Variants in GABRR2 observed in about 807,000 individuals in gnomAD.
GABRR2 encodes gamma-aminobutyric acid type A receptor subunit rho2.
GABRR2 carries 36 observed loss-of-function variants against 47.0 expected under a neutral mutation model. The ratio of observed to expected loss-of-function variants is 0.77; its 90% CI spans 0.59 to 1.01. The LOEUF (loss-of-function observed/expected upper bound fraction) is 1.01, where lower values mean the gene tolerates loss of function less well. Ranked by LOEUF, GABRR2 falls within the 50% of genes least tolerant of loss-of-function variation. The pLI is 0.00. For missense variants in GABRR2, 587 were observed against 594.6 expected, an observed-to-expected ratio of 0.99 and a Z score of 0.13; for synonymous variants, 204 against 227.5, an observed-to-expected ratio of 0.90 and a Z score of 0.93.
intron 2 of GABRR2, among the ~76,000 whole-genome samples, chr6:89,286,164 C>A (rs944511393): frequency 6.6e-6 from 1 of 152,128 alleles, no homozygotes; most frequent in Non-Finnish European, 1.5e-5. Context: ...TTAAATTTGA[C>A]CTGTCTAAAT....
At chr6:89,260,631 A>G (rs1429443157) in intron 8 of GABRR2, among the ~76,000 whole-genome samples, 3 of 152,160 alleles carry the variant, frequency 2.0e-5, no homozygotes, top group Non-Finnish European at 4.4e-5. Context: ...AGTGGAAATC[A>G]CACTTCAGTG....
intron 5 of GABRR2, 50 bp downstream of exon 5, chr6:89,267,964 A>G (rs754459869): frequency 6.3e-7 from 1 of 1,591,618 alleles, no homozygotes; most frequent in Non-Finnish European, 8.6e-7. Context: ...AAAATGGCAC[A>G]AAGATCAGAG....
chr6:89,305,158 C>T (rs1015371158), intron 1 of GABRR2, among the ~76,000 whole-genome samples: 1 of 151,288 alleles, frequency 6.6e-6, no homozygotes, highest in Admixed American at 6.6e-5. Flanking sequence ...AATTCAAGAC[C>T]AGGCTGGCCA....
chr6:89,266,263 G>A (rs981893187), intron 6 of GABRR2, among the ~76,000 whole-genome samples: 1 of 152,048 alleles, frequency 6.6e-6, no homozygotes, highest in Non-Finnish European at 1.5e-5. Flanking sequence ...GTAGAGACAG[G>A]GGTTTCACCA....
intron 1 of GABRR2, among the ~76,000 whole-genome samples, chr6:89,307,396 T>C (rs911939413): frequency 1.3e-5 from 2 of 152,350 alleles, no homozygotes; most frequent in African/African-American, 4.8e-5. Context: ...ATTCTCAAAC[T>C]TAGCTACAGA....
intron 8 of GABRR2, among the ~76,000 whole-genome samples, chr6:89,260,928 G>A (rs1773730483): frequency 6.6e-6 from 1 of 152,208 alleles, no homozygotes; most frequent in Non-Finnish European, 1.5e-5. Context: ...CTGCTCTCCA[G>A]CAACTATGCT....
intron 2 of GABRR2, among the ~76,000 whole-genome samples, chr6:89,297,184 T>C (rs1411778565): frequency 2.6e-5 from 4 of 152,258 alleles, no homozygotes; most frequent in Admixed American, 1.3e-4. Context: ...TATTTTATGA[T>C]TGTGTTGGTT....
At chr6:89,309,759 C>T (rs936263914) in intron 1 of GABRR2, among the ~76,000 whole-genome samples, 1 of 151,638 alleles carries the variant, frequency 6.6e-6, no homozygotes. Context: ...AGCATTAGCA[C>T]CCATGCTTCT....
intron 6 of GABRR2, among the ~76,000 whole-genome samples, chr6:89,267,381 C>G (rs1386644455): frequency 3.6e-4 from 54 of 152,016 alleles, no homozygotes; most frequent in Admixed American, 3.5e-3. Context: ...GCTTGGGCAA[C>G]ATAGTAAGAC....
chr6:89,303,217 C>T, intron 1 of GABRR2: 1 of 371,200 alleles, frequency 2.7e-6, no homozygotes. Flanking sequence ...CCAGCTTTCC[C>T]CCACCAGCTT....
rs140504422 is a variant in GABRR2, at chr6:89,271,703, G to A, written c.240C>T (p.Gly80=). Residue 80 remains glycine (G), a synonymous_variant, in exon 3 of 9, where the codon GGC becomes GGT. Transcript: ENST00000402938. ...PAFGGPAIPV[G]VDVQVESLDS... is the part of the protein sequence containing the mutation. The stretch of plus-strand genomic sequence containing the variant: ...CCAGGCTCTCCACCTGTACGTCCAC[G>A]CCCACCGGGATGGCAGGGCCTGCAG... 274 of 1,612,478 alleles carry A rather than the reference G, an allele frequency of 1.7e-4. No homozygotes were observed. The Middle Eastern group carries it at 1.8e-3, about 11-fold the overall frequency.
chr6:89,294,653 T>C (rs922635559), intron 2 of GABRR2, among the ~76,000 whole-genome samples: 6 of 152,106 alleles, frequency 3.9e-5, no homozygotes, highest in Admixed American at 3.3e-4. Flanking sequence ...ACTTTTTTTT[T>C]TTTATACTTT....
Position 89,303,325 on chromosome 6 carries a change from T to G in GABRR2, c.114-3460A>C, listed in dbSNP as rs187616454. Among the ~76,000 whole-genome samples the G allele has an allele frequency of 9.2e-5, 14 of 152,340 alleles. No individual in the cohort carries two copies. In the East Asian group the frequency reaches 2.7e-3, roughly 29 times the overall value. ...TGTGCTGCTCCTGTCTCTGTCTTATTGCAGCTCCAGGCCTGACATTTTATG... is the reference window on the plus strand; with the variant it reads ...TGTGCTGCTCCTGTCTCTGTCTTATGGCAGCTCCAGGCCTGACATTTTATG... On this transcript the variant is annotated intron_variant, in intron 1 of 8. Transcript: ENST00000402938.
intron 1 of GABRR2, among the ~76,000 whole-genome samples, chr6:89,311,151 C>T (rs551302512): frequency 1.3e-5 from 2 of 152,308 alleles, no homozygotes; most frequent in East Asian, 1.9e-4. Context: ...GTGCCACGTG[C>T]AGACGCCCAT....
chr6:89,299,001 C>T (rs946899548), intron 2 of GABRR2, among the ~76,000 whole-genome samples: 22 of 152,268 alleles, frequency 1.4e-4, no homozygotes, highest in African/African-American at 4.1e-4. Context: ...ATCTTACTTC[C>T]GGCCCCTGGA....
intron 4 of GABRR2, 26 bp downstream of exon 4, chr6:89,268,985 A>G: frequency 6.3e-7 from 1 of 1,598,400 alleles, no homozygotes; most frequent in Non-Finnish European, 8.6e-7. Flanking sequence ...CACTGGACAG[A>G]GGAACAATGG....
intron 2 of GABRR2, among the ~76,000 whole-genome samples, chr6:89,289,666 T>A (rs1479575757): frequency 6.6e-6 from 1 of 151,574 alleles, no homozygotes; most frequent in East Asian, 1.9e-4. Context: ...TGGATTGATA[T>A]AACTTGATTG....
intron 2 of GABRR2, among the ~76,000 whole-genome samples, chr6:89,277,412 G>A (rs1774180478): frequency 6.6e-6 from 1 of 152,112 alleles, no homozygotes; most frequent in Admixed American, 6.6e-5. Context: ...GAATAACTAT[G>A]TAATACAAAT....
At chr6:89,283,756 C>A (rs943350982) in intron 2 of GABRR2, among the ~76,000 whole-genome samples, 2 of 152,124 alleles carry the variant, frequency 1.3e-5, no homozygotes, top group East Asian at 1.9e-4. Flanking sequence ...CGTTTGGAAC[C>A]AAGAGCTCCC....
Sources: allele counts gnomAD v4.1 joint callset (sites outside exome capture counted in the v4.1 genomes callset), GRCh38; gene constraint gnomAD v4.1.1; transcripts MANE v1.5; gene names NCBI Gene and HGNC (gene_info 2026-07-23, HGNC 2026-07-21).